The following KIAA0825 variants were observed in gnomAD, a reference collection of about 807,000 sequenced individuals.
KIAA0825 encodes KIAA0825, also known as uncharacterized protein KIAA0825.
Under a neutral mutation model 147.6 loss-of-function variants are expected in KIAA0825, and 119 were observed. The ratio of observed to expected loss-of-function variants is 0.81; its 90% confidence interval spans 0.69 to 0.94. KIAA0825 has a LOEUF of 0.94. Among genes scored for constraint, KIAA0825 ranks in the 40% least tolerant of loss-of-function variants. The pLI, the probability that KIAA0825 is intolerant of heterozygous loss-of-function variation, is 0.00. For synonymous variants in KIAA0825, 470 were observed against 518.1 expected (o/e 0.91, Z 1.26); for missense variants, 1,381 against 1,472.7 (o/e 0.94, Z 1.02).
chr5:94,253,512 G>A (rs1184112494), intron 20 of KIAA0825, among the ~76,000 whole-genome samples: 1 of 152,038 alleles, frequency 6.6e-6, no homozygotes, highest in Non-Finnish European at 1.5e-5. Flanking sequence ...ACATCATGGA[G>A]CTAATTTCCA....
chr5:94,326,532 C>A (rs988444294), intron 20 of KIAA0825, among the ~76,000 whole-genome samples: 1 of 152,106 alleles, frequency 6.6e-6, no homozygotes, highest in African/African-American at 2.4e-5. Context: ...GCAATTGAAT[C>A]GGTTGTCTAA....
Position 94,215,410 on chromosome 5 carries a change from C to A in KIAA0825, c.3711-61286G>T, listed in dbSNP as rs529489101. Among the ~76,000 whole-genome samples the A allele has an allele frequency of 1.1e-4, 17 of 152,168 alleles. No homozygotes were observed. In the South Asian group the frequency reaches 3.5e-3, roughly 32 times the overall value. On this transcript the variant is annotated intron_variant, in intron 20 of 20. Transcript: ENST00000682413. ...TGGGTGGGAATGGAGAAAAGGGATTCAACAGAACAAAGATTTGGCCTTAGG... is the reference window on the plus strand; with the variant it reads ...TGGGTGGGAATGGAGAAAAGGGATTAAACAGAACAAAGATTTGGCCTTAGG...
intron 20 of KIAA0825, among the ~76,000 whole-genome samples, chr5:94,172,836 C>A (rs1035955793): frequency 1.9e-4 from 29 of 151,588 alleles, no homozygotes; most frequent in African/African-American, 6.1e-4. Context: ...TGTAAATTAA[C>A]CTCATATTGG....
chr5:94,323,301 G>A (rs964556131), intron 20 of KIAA0825, among the ~76,000 whole-genome samples: 25 of 151,950 alleles, frequency 1.6e-4, no homozygotes, highest in African/African-American at 4.8e-4. Context: ...GAGGGATGAG[G>A]CTAGTGAAGA....
chr5:94,578,463 A>C (rs1175769291), intron 2 of KIAA0825, among the ~76,000 whole-genome samples: 1 of 152,180 alleles, frequency 6.6e-6, no homozygotes. Context: ...ATTTTAAGAA[A>C]GTCTTAGATG....
chr5:94,351,340 A>C (rs1275680436), intron 20 of KIAA0825, among the ~76,000 whole-genome samples: 1 of 152,078 alleles, frequency 6.6e-6, no homozygotes, highest in Non-Finnish European at 1.5e-5. Flanking sequence ...AAAAACAACA[A>C]CAACAACAAC....
intron 20 of KIAA0825, among the ~76,000 whole-genome samples, chr5:94,157,960 A>G (rs557176659): frequency 4.2e-4 from 64 of 152,182 alleles, no homozygotes; most frequent in Non-Finnish European, 6.8e-4. Flanking sequence ...ACAGATGAGG[A>G]GGGCCAGAGT....
chr5:94,511,567 C>G (rs956406515), intron 5 of KIAA0825, among the ~76,000 whole-genome samples: 2 of 152,162 alleles, frequency 1.3e-5, no homozygotes, highest in Admixed American at 1.3e-4. Flanking sequence ...TTGCGGTGAG[C>G]TGAGATTGTG....
chr5:94,445,020 G>A (rs1027436716), intron 13 of KIAA0825, among the ~76,000 whole-genome samples: 2 of 152,060 alleles, frequency 1.3e-5, no homozygotes, highest in South Asian at 2.1e-4. Context: ...CATCTTACAC[G>A]GCAGCAACGC....
At chr5:94,604,576 CAAA>C (rs1787133761) in intron 1 of KIAA0825, among the ~76,000 whole-genome samples, 1 of 151,890 alleles carries the variant, frequency 6.6e-6, no homozygotes, top group African/African-American at 2.4e-5. Flanking sequence ...AACAAACAAA[CAAA>C]CAAACAAACA....
In KIAA0825 at chr5:94,403,150, A is replaced by C. The variant is rs1008198488; in HGVS notation, c.2887+419T>G. Among the ~76,000 whole-genome samples, 4 of 152,164 alleles carry C rather than the reference A, an allele frequency of 2.6e-5. No individual in the cohort carries two copies. In the South Asian group the frequency reaches 8.3e-4, roughly 31 times the overall value. On this transcript the variant is annotated intron_variant, in intron 16 of 20. Coordinates refer to ENST00000682413, the MANE Select transcript of KIAA0825 (RefSeq NM_001145678.3). ...AGCTACATATGTAGGTGTTTTAACA[A>C]GAGAAAAGAAGGTAATAATTAGTGT...
chr5:94,329,545 G>C (rs547527710), intron 20 of KIAA0825, among the ~76,000 whole-genome samples: 6 of 152,208 alleles, frequency 3.9e-5, no homozygotes, highest in Middle Eastern at 3.4e-3. Flanking sequence ...GAAATGTAGA[G>C]TTCTGGTTTG....
intron 20 of KIAA0825, among the ~76,000 whole-genome samples, chr5:94,365,421 A>G (rs980914554): frequency 6.6e-6 from 1 of 152,230 alleles, no homozygotes; most frequent in Non-Finnish European, 1.5e-5. Flanking sequence ...GCCCGCATCA[A>G]GTTTAATTCT....
intron 20 of KIAA0825, among the ~76,000 whole-genome samples, chr5:94,223,869 G>A (rs939626164): frequency 1.3e-5 from 2 of 151,958 alleles, no homozygotes; most frequent in African/African-American, 4.8e-5. Flanking sequence ...TTAATTCAAA[G>A]AAAAGCCCTC....
At chr5:94,451,121 T>C (rs1316597355) in intron 13 of KIAA0825, among the ~76,000 whole-genome samples, 1 of 152,218 alleles carries the variant, frequency 6.6e-6, no homozygotes, top group Non-Finnish European at 1.5e-5. Flanking sequence ...CTCATCACTC[T>C]AAAAACTGAG....
At chr5:94,272,105 G>GAA (rs1161282296) in intron 20 of KIAA0825, among the ~76,000 whole-genome samples, 22 of 46,200 alleles carry the variant, frequency 4.8e-4, no homozygotes, top group Non-Finnish European at 7.8e-4. Context: ...ATTTGTAGGA[G>GAA]CAAAAAAAAA....
chr5:94,449,013 TA>T, intron 13 of KIAA0825, among the ~76,000 whole-genome samples: 1 of 152,094 alleles, frequency 6.6e-6, no homozygotes, highest in Non-Finnish European at 1.5e-5. Context: ...ATATGACACC[TA>T]ATGGGCAGGG....
chr5:94,283,259 T>C (rs1312404211), intron 20 of KIAA0825, among the ~76,000 whole-genome samples: 1 of 152,124 alleles, frequency 6.6e-6, no homozygotes, highest in East Asian at 1.9e-4. Flanking sequence ...AAATGTCTTG[T>C]GACAGATATT....
chr5:94,174,648 C>A (rs1768921289), intron 20 of KIAA0825, among the ~76,000 whole-genome samples: 1 of 151,934 alleles, frequency 6.6e-6, no homozygotes, highest in Admixed American at 6.6e-5. Context: ...CAAGCTTATC[C>A]CCCTTTAAGA....
Sources: gnomAD v4.1 joint callset for allele counts (sites outside exome capture counted in the v4.1 genomes callset) on GRCh38, gnomAD v4.1.1 for gene constraint, MANE v1.5 for transcripts, NCBI Gene and HGNC (gene_info 2026-07-23, HGNC 2026-07-21) for gene names.